CSMD1: variants seen among roughly 807,000 people sequenced by gnomAD.
CSMD1 encodes the protein CUB and sushi domain-containing protein 1.
In CSMD1, 213 loss-of-function variants were observed where a neutral mutation model predicts 417.5. That is an observed-to-expected ratio of 0.51 (90% CI 0.46 to 0.57). The LOEUF is 0.57. Ranked by LOEUF, CSMD1 falls within the 20% of genes least tolerant of loss-of-function variation. CSMD1 has a pLI of 0.00. For synonymous variants in CSMD1, 2,862 were observed against 1,736.8 expected (o/e 1.65, Z -16.11); for missense variants, 6,923 against 4,529.7 (o/e 1.53, Z -15.17).
intron 1 of CSMD1, among the ~76,000 whole-genome samples, chr8:4,838,526 G>A (rs1800637996): frequency 6.6e-6 from 1 of 152,210 alleles, no homozygotes; most frequent in Non-Finnish European, 1.5e-5. Context: ...ATGGGGCAAA[G>A]CATTTACTCC....
At chr8:3,616,925 A>C (rs1802169105) in intron 7 of CSMD1, 128 bp from the exon 8 acceptor site, 1 of 574,702 alleles carries the variant, frequency 1.7e-6, no homozygotes, top group African/African-American at 1.9e-5. Context: ...CAAAGGAATT[A>C]AGACACCTTA....
At chr8:4,584,714 T>A (rs111387260) in intron 2 of CSMD1, among the ~76,000 whole-genome samples, 1 of 152,116 alleles carries the variant, frequency 6.6e-6, no homozygotes, top group Non-Finnish European at 1.5e-5. Context: ...ATCTATCCTA[T>A]CTATCCTGAC....
chr8:3,663,431 G>C (rs556001323), intron 7 of CSMD1, among the ~76,000 whole-genome samples: 2 of 152,114 alleles, frequency 1.3e-5, no homozygotes, highest in East Asian at 1.9e-4. Context: ...GGACTCAAGA[G>C]AACTGAGAGA....
intron 5 of CSMD1, among the ~76,000 whole-genome samples, chr8:3,911,388 T>G (rs183038332): frequency 8.3e-4 from 126 of 151,204 alleles, no homozygotes; most frequent in African/African-American, 3.0e-3. Flanking sequence ...ATTAGCTGGG[T>G]ATGGTGGCGG....
chr8:4,479,721 C>G (rs947593002), intron 2 of CSMD1, among the ~76,000 whole-genome samples: 1 of 151,942 alleles, frequency 6.6e-6, no homozygotes, highest in South Asian at 2.1e-4. Context: ...TGGTGAAACC[C>G]CGTCTCTACT....
chr8:3,809,113 C>G (rs1005496541), intron 5 of CSMD1, among the ~76,000 whole-genome samples: 1 of 152,114 alleles, frequency 6.6e-6, no homozygotes, highest in Admixed American at 6.5e-5. Flanking sequence ...CGGGCACATG[C>G]TCTGCCCTCT....
intron 10 of CSMD1, among the ~76,000 whole-genome samples, chr8:3,536,853 G>C (rs1434376778): frequency 6.6e-6 from 1 of 152,196 alleles, no homozygotes; most frequent in Non-Finnish European, 1.5e-5. Context: ...TCCGTGTTCT[G>C]TGGCTCAGAT....
Position 3,131,260 on chromosome 8 carries a change from T to C in CSMD1, c.6241+11205A>G, listed in dbSNP as rs972119786. 5.9e-5 allele frequency among the ~76,000 whole-genome samples: 9 copies of C among 151,938 alleles called. 1 individual carries two copies. The highest frequency in any genetic ancestry group is 1.7e-4 in the African/African-American group (7 of 41,370). On this transcript the variant is annotated intron_variant, in intron 41 of 69. Transcript: ENST00000635120. ...GAGGCAACTTCAAACCATGGTGTAG[T>C]AACATTTTGAAATATCTGCACATGT... is the stretch of plus-strand genomic sequence containing the variant.
chr8:4,914,369 G>A (rs1273489005), intron 1 of CSMD1, among the ~76,000 whole-genome samples: 2 of 152,086 alleles, frequency 1.3e-5, no homozygotes, highest in Non-Finnish European at 2.9e-5. Flanking sequence ...GAGGTCAGGA[G>A]ATCGAGACCA....
intron 3 of CSMD1, among the ~76,000 whole-genome samples, chr8:4,361,487 C>T (rs13270354): frequency 0.36 from 55,367 of 151,866 alleles, 11,610 homozygotes; most frequent in African/African-American, 0.58. Flanking sequence ...TGCATTTCCA[C>T]TTTACAGATT....
intron 4 of CSMD1, among the ~76,000 whole-genome samples, chr8:4,009,458 C>A (rs989772308): frequency 6.6e-6 from 1 of 152,134 alleles, no homozygotes; most frequent in Non-Finnish European, 1.5e-5. Flanking sequence ...ATTAAATAAG[C>A]TATGATACAT....
At chr8:3,315,933 T>G (rs150219665) in intron 23 of CSMD1, among the ~76,000 whole-genome samples, 255 of 152,338 alleles carry the variant, frequency 1.7e-3, no homozygotes, top group African/African-American at 5.9e-3. Context: ...TGTACTTTGA[T>G]CTTGTGCAGA....
intron 3 of CSMD1, among the ~76,000 whole-genome samples, chr8:4,387,315 G>T (rs983255213): frequency 2.0e-5 from 3 of 151,936 alleles, no homozygotes; most frequent in Non-Finnish European, 2.9e-5. Context: ...AGTAATTCCT[G>T]AAACAATTTA....
At chr8:4,454,696 T>C (rs1799364392) in intron 2 of CSMD1, among the ~76,000 whole-genome samples, 1 of 152,128 alleles carries the variant, frequency 6.6e-6, no homozygotes, top group African/African-American at 2.4e-5. Context: ...ACATAGCAGC[T>C]AATCAACCTG....
chr8:4,765,643 A>G (rs1214211407), intron 1 of CSMD1, among the ~76,000 whole-genome samples: 5 of 152,218 alleles, frequency 3.3e-5, no homozygotes, highest in Admixed American at 6.5e-5. Context: ...ACTGCTCACT[A>G]AAGATATATC....
chr8:4,270,697 T>A (rs978558333), intron 3 of CSMD1, among the ~76,000 whole-genome samples: 9 of 152,218 alleles, frequency 5.9e-5, no homozygotes, highest in African/African-American at 2.2e-4. Flanking sequence ...AACCGTCTGA[T>A]CCTTATTTTC....
intron 12 of CSMD1, among the ~76,000 whole-genome samples, chr8:3,450,179 G>A (rs1386714265): frequency 6.6e-6 from 1 of 152,168 alleles, no homozygotes; most frequent in East Asian, 1.9e-4. Context: ...CACTCAGGCG[G>A]CCTCCAGCCT....
chr8:4,463,348 G>A (rs1042051499), intron 2 of CSMD1, among the ~76,000 whole-genome samples: 1 of 152,150 alleles, frequency 6.6e-6, no homozygotes, highest in Non-Finnish European at 1.5e-5. Flanking sequence ...ATATAGAATG[G>A]TGCGTCTATT....
intron 7 of CSMD1, 115 bp from the exon 8 acceptor site, chr8:3,616,912 C>T: frequency 1.6e-6 from 1 of 634,562 alleles, no homozygotes; most frequent in Non-Finnish European, 2.7e-6. Context: ...AAAATGTGAT[C>T]TCCAAAGGAA....
Sources: allele counts gnomAD v4.1 joint callset (sites outside exome capture counted in the v4.1 genomes callset), GRCh38; gene constraint gnomAD v4.1.1; transcripts MANE v1.5; gene names NCBI Gene and HGNC (gene_info 2026-07-23, HGNC 2026-07-21).